MAF: variants seen among roughly 807,000 people sequenced by gnomAD.
MAF encodes the protein MAF bZIP transcription factor, also known as transcription factor Maf.
In MAF, 10 loss-of-function variants were observed where a neutral mutation model predicts 22.0. The observed-to-expected ratio is 0.45, with a 90% CI of 0.28 to 0.77. The LOEUF (loss-of-function observed/expected upper bound fraction) is 0.77, where lower values mean the gene tolerates loss of function less well. Among genes scored for constraint, MAF ranks in the 30% least tolerant of loss-of-function variants. The pLI is 0.12. For missense variants in MAF, 544 were observed against 548.4 expected (o/e 0.99, Z 0.08); for synonymous variants, 337 against 255.8 (o/e 1.32, Z -3.03).
the MAF span, among the ~76,000 whole-genome samples, chr16:79,414,862 C>A: frequency 6.6e-6 from 1 of 152,228 alleles, no homozygotes. Flanking sequence ...AACTCCTCCA[C>A]GACACTAGTT....
the MAF span, among the ~76,000 whole-genome samples, chr16:79,342,593 AC>A: frequency 6.6e-6 from 1 of 151,878 alleles, no homozygotes; most frequent in African/African-American, 2.4e-5. Flanking sequence ...TGTCACCATC[AC>A]CATCATCATC....
the MAF span, among the ~76,000 whole-genome samples, chr16:79,245,450 GA>G: frequency 6.6e-6 from 1 of 151,918 alleles, no homozygotes; most frequent in Non-Finnish European, 1.5e-5. Flanking sequence ...CAACAATCAT[GA>G]AAAAAAGCTC....
At chr16:79,316,663 A>G in the MAF span, among the ~76,000 whole-genome samples, 1 of 152,144 alleles carries the variant, frequency 6.6e-6, no homozygotes, top group African/African-American at 2.4e-5. Flanking sequence ...CCTTCAGAGG[A>G]AACAGAAATG....
chr16:79,306,438 C>T, the MAF span, among the ~76,000 whole-genome samples: 2 of 152,194 alleles, frequency 1.3e-5, no homozygotes, highest in African/African-American at 4.8e-5. Context: ...TAAGGATACA[C>T]TTACCAGGGT....
intron 1 of MAF, among the ~76,000 whole-genome samples, chr16:79,587,123 C>G (rs1427665706): frequency 6.6e-6 from 1 of 152,168 alleles, no homozygotes; most frequent in Admixed American, 6.5e-5. Context: ...AAGACTATGC[C>G]CACAGCACTC....
the MAF span, among the ~76,000 whole-genome samples, chr16:79,566,827 C>A: frequency 2.0e-5 from 3 of 152,188 alleles, no homozygotes; most frequent in Non-Finnish European, 4.4e-5. Flanking sequence ...CTTTGGAACC[C>A]TGTGGTTTGA....
the MAF span, among the ~76,000 whole-genome samples, chr16:79,327,805 G>A: frequency 6.6e-6 from 1 of 152,166 alleles, no homozygotes; most frequent in Non-Finnish European, 1.5e-5. Context: ...TCTTATAAAG[G>A]AGGAAACTGA....
At chr16:79,477,583 C>A in the MAF span, among the ~76,000 whole-genome samples, 1 of 152,148 alleles carries the variant, frequency 6.6e-6, no homozygotes, top group Non-Finnish European at 1.5e-5. Context: ...CACTTAGAGC[C>A]TTAACATTCC....
At chr16:79,290,422 G>A in the MAF span, among the ~76,000 whole-genome samples, 1 of 152,160 alleles carries the variant, frequency 6.6e-6, no homozygotes, top group Non-Finnish European at 1.5e-5. Context: ...TTTTCTTTCT[G>A]AATACCCTTT....
the MAF span, among the ~76,000 whole-genome samples, chr16:79,370,666 T>A: frequency 6.6e-6 from 1 of 152,196 alleles, no homozygotes; most frequent in African/African-American, 2.4e-5. Context: ...ATGTAATCCA[T>A]CAGTGAGTTC....
the MAF span, among the ~76,000 whole-genome samples, chr16:79,260,452 C>CATGT: frequency 2.1e-5 from 2 of 93,352 alleles, no homozygotes; most frequent in Non-Finnish European, 5.1e-5. Context: ...ATGCCTGGCT[C>CATGT]ATGTATCTAT....
chr16:79,212,230 T>C, the MAF span: 1 of 1,379,912 alleles, frequency 7.2e-7, no homozygotes, highest in Non-Finnish European at 9.5e-7. Context: ...TGTTCACTGC[T>C]CCTTGCTGCA....
chr16:79,539,995 C>T, the MAF span, among the ~76,000 whole-genome samples: 43 of 152,000 alleles, frequency 2.8e-4, no homozygotes, highest in Non-Finnish European at 3.1e-4. Context: ...AAATTTTAAG[C>T]AAACATAGCC....
chr16:79,379,756 G>C, the MAF span, among the ~76,000 whole-genome samples: 2 of 152,126 alleles, frequency 1.3e-5, no homozygotes, highest in Non-Finnish European at 2.9e-5. Context: ...GCCTTGTTGG[G>C]TTTCAGTGTG....
At chr16:79,322,858 T>C in the MAF span, among the ~76,000 whole-genome samples, 7 of 151,832 alleles carry the variant, frequency 4.6e-5, no homozygotes, top group African/African-American at 1.7e-4. Flanking sequence ...TTTCCTTCAA[T>C]AGGCAATTGG....
the MAF span, among the ~76,000 whole-genome samples, chr16:79,466,989 T>C: frequency 1.3e-5 from 2 of 152,176 alleles, no homozygotes; most frequent in Admixed American, 6.5e-5. Flanking sequence ...GTCTCTGCTA[T>C]TCCTACATTC....
the MAF span, among the ~76,000 whole-genome samples, chr16:79,507,677 G>A: frequency 4.6e-5 from 7 of 151,992 alleles, no homozygotes; most frequent in Non-Finnish European, 1.0e-4. Flanking sequence ...CATCCGCCTC[G>A]GTCTCCCAAA....
downstream of MAF, among the ~76,000 whole-genome samples, chr16:79,590,379 C>T (rs80182839): frequency 4.6e-4 from 70 of 152,300 alleles, no homozygotes; most frequent in African/African-American, 1.6e-3. Context: ...TGATGCTCCC[C>T]GGACCCTCTG....
the MAF span, among the ~76,000 whole-genome samples, chr16:79,229,045 A>T: frequency 6.6e-6 from 1 of 151,802 alleles, no homozygotes; most frequent in African/African-American, 2.4e-5. Context: ...GAAAAAGCCC[A>T]ATCAGCCACA....
Sources: allele counts gnomAD v4.1 joint callset (sites outside exome capture counted in the v4.1 genomes callset), GRCh38; gene constraint gnomAD v4.1.1; transcripts MANE v1.5; gene names NCBI Gene and HGNC (gene_info 2026-07-23, HGNC 2026-07-21).